OPCML: variants seen among roughly 807,000 people sequenced by gnomAD.
OPCML encodes the protein opioid binding protein/cell adhesion molecule like, also known as opioid-binding protein/cell adhesion molecule.
OPCML carries 13 observed loss-of-function variants against 37.8 expected under a neutral mutation model. The ratio of observed to expected loss-of-function variants is 0.34; its 90% CI spans 0.22 to 0.55. OPCML has a LOEUF of 0.55. OPCML is among the 20% of genes least tolerant of loss of function. The pLI, the probability that OPCML is intolerant of heterozygous loss-of-function variation, is 0.91. For synonymous variants in OPCML, 176 were observed against 168.8 expected (o/e 1.04, Z -0.33); for missense variants, 341 against 435.6 (o/e 0.78, Z 1.93).
chr11:133,528,827 C>T (rs1948543937), intron 1 of OPCML, among the ~76,000 whole-genome samples: 1 of 152,190 alleles, frequency 6.6e-6, no homozygotes, highest in Non-Finnish European at 1.5e-5. Flanking sequence ...GCTAACTCCC[C>T]TGCTTAGAGT....
At chr11:133,031,688 G>A (rs971677538) in intron 1 of OPCML, among the ~76,000 whole-genome samples, 19 of 152,090 alleles carry the variant, frequency 1.2e-4, no homozygotes, top group African/African-American at 4.6e-4. Context: ...AGTGGCTATA[G>A]GTTTCACTTC....
At chr11:132,695,481 A>T (rs943501721) in intron 2 of OPCML, among the ~76,000 whole-genome samples, 5 of 152,294 alleles carry the variant, frequency 3.3e-5, no homozygotes, top group East Asian at 3.9e-4. Flanking sequence ...CTTATATAAC[A>T]CATTAAGGAG....
At chr11:132,863,387 C>T (rs1476693849) in intron 2 of OPCML, among the ~76,000 whole-genome samples, 3 of 152,162 alleles carry the variant, frequency 2.0e-5, no homozygotes, top group African/African-American at 2.4e-5. Context: ...TATGACACAA[C>T]GGGTATACTG....
At chr11:133,002,594 T>G (rs1268000449) in intron 1 of OPCML, among the ~76,000 whole-genome samples, 1 of 152,202 alleles carries the variant, frequency 6.6e-6, no homozygotes, top group Non-Finnish European at 1.5e-5. Context: ...ATGATGGATA[T>G]AAAAGTTCTC....
intron 4 of OPCML, among the ~76,000 whole-genome samples, chr11:132,491,836 G>A (rs2096216842): frequency 6.6e-6 from 1 of 151,842 alleles, no homozygotes; most frequent in Non-Finnish European, 1.5e-5. Context: ...GACAGTAGGT[G>A]TTGGAAGACA....
rs557905933 is a variant in OPCML, at chr11:133,269,938, C to T, written c.61+262326G>A. 1.0e-3 allele frequency among the ~76,000 whole-genome samples: 152 copies of T among 152,246 alleles called. 3 individuals carry two copies. The highest frequency in any genetic ancestry group is 3.3e-3 in the African/African-American group (139 of 41,536). On this transcript the variant is annotated intron_variant, in intron 1 of 7. Coordinates refer to ENST00000524381, the MANE Select transcript of OPCML (RefSeq NM_001012393.5). ...TGCTTCCAAGAGGTGTGATTTTATACATTTTATTCTCGTAGCTAGATAACT... is the reference window on the plus strand; with the variant it reads ...TGCTTCCAAGAGGTGTGATTTTATATATTTTATTCTCGTAGCTAGATAACT...
chr11:133,223,771 G>A (rs1195023374), intron 1 of OPCML, among the ~76,000 whole-genome samples: 1 of 152,002 alleles, frequency 6.6e-6, no homozygotes, highest in East Asian at 1.9e-4. Context: ...CCTTACTTGC[G>A]GGCCAGTGAG....
At chr11:132,972,894 T>C (rs1187070197) in intron 1 of OPCML, among the ~76,000 whole-genome samples, 1 of 152,078 alleles carries the variant, frequency 6.6e-6, no homozygotes, top group Non-Finnish European at 1.5e-5. Flanking sequence ...TGGTTCATAA[T>C]GTTGTTGATG....
chr11:133,146,312 C>CTTTTTT (rs869237328), intron 1 of OPCML, among the ~76,000 whole-genome samples: 5 of 128,716 alleles, frequency 3.9e-5, no homozygotes, highest in African/African-American at 2.8e-5. Flanking sequence ...TCCATCTTTT[C>CTTTTTT]TTTTTTTTTT....
At chr11:132,449,744 A>G (rs1292296049) in intron 4 of OPCML, among the ~76,000 whole-genome samples, 1 of 152,166 alleles carries the variant, frequency 6.6e-6, no homozygotes, top group Non-Finnish European at 1.5e-5. Context: ...GCCACTAACT[A>G]GCCAGGACCC....
intron 4 of OPCML, among the ~76,000 whole-genome samples, chr11:132,511,481 G>A (rs1485466005): frequency 6.6e-6 from 1 of 151,900 alleles, no homozygotes; most frequent in Non-Finnish European, 1.5e-5. Flanking sequence ...AAAAAAACAA[G>A]TTTGGCAATC....
At chr11:132,606,975 A>G (rs1024659304) in intron 3 of OPCML, among the ~76,000 whole-genome samples, 6 of 152,152 alleles carry the variant, frequency 3.9e-5, no homozygotes, top group Non-Finnish European at 5.9e-5. Flanking sequence ...TTTCAGTTCC[A>G]TGAGTATGTG....
intron 3 of OPCML, among the ~76,000 whole-genome samples, chr11:132,590,317 A>G (rs2096482316): frequency 6.6e-6 from 1 of 152,166 alleles, no homozygotes; most frequent in African/African-American, 2.4e-5. Context: ...TGGAAGGATG[A>G]ACAAATCTAA....
At chr11:133,012,813 T>C (rs1481443705) in intron 1 of OPCML, among the ~76,000 whole-genome samples, 1 of 145,526 alleles carries the variant, frequency 6.9e-6, no homozygotes, top group East Asian at 2.0e-4. Flanking sequence ...AGGTGGAGGT[T>C]GCGGCGAGAT....
intron 1 of OPCML, among the ~76,000 whole-genome samples, chr11:133,074,838 A>G (rs190347238): frequency 6.6e-6 from 1 of 152,352 alleles, no homozygotes; most frequent in African/African-American, 2.4e-5. Context: ...AGGTGGAAAC[A>G]GAGCTATCAG....
At chr11:132,954,821 G>A (rs141413664) in intron 1 of OPCML, among the ~76,000 whole-genome samples, 1 of 152,216 alleles carries the variant, frequency 6.6e-6, no homozygotes, top group African/African-American at 2.4e-5. Context: ...GGGGTAAGAT[G>A]AAAAAGGGCT....
intron 2 of OPCML, among the ~76,000 whole-genome samples, chr11:132,760,660 TTCCTCCA>T (rs1946230516): frequency 6.6e-6 from 1 of 152,112 alleles, no homozygotes; most frequent in South Asian, 2.1e-4. Context: ...CTTGGCGATA[TTCCTCCA>T]TCCCTATATT....
At chr11:133,321,389 A>T (rs899984265) in intron 1 of OPCML, among the ~76,000 whole-genome samples, 6 of 152,134 alleles carry the variant, frequency 3.9e-5, no homozygotes, top group African/African-American at 1.2e-4. Flanking sequence ...GATTTTGGTT[A>T]AATTGATTTC....
chr11:132,467,378 C>A (rs528408618), intron 4 of OPCML, among the ~76,000 whole-genome samples: 1 of 152,210 alleles, frequency 6.6e-6, no homozygotes, highest in Non-Finnish European at 1.5e-5. Context: ...TCAGGTAGTT[C>A]TGAAAATAAA....
Sources: gnomAD v4.1 joint callset for allele counts (sites outside exome capture counted in the v4.1 genomes callset) on GRCh38, gnomAD v4.1.1 for gene constraint, MANE v1.5 for transcripts, NCBI Gene and HGNC (gene_info 2026-07-23, HGNC 2026-07-21) for gene names.